Variants in SYN3 observed in about 807,000 individuals in gnomAD.
The protein encoded by SYN3 is synapsin III, also known as synapsin-3.
SYN3 carries 35 observed loss-of-function variants against 65.8 expected under a neutral mutation model. The ratio of observed to expected loss-of-function variants is 0.53; its 90% CI spans 0.41 to 0.70. The LOEUF (loss-of-function observed/expected upper bound fraction) is 0.70. Among genes scored for constraint, SYN3 ranks in the 30% least tolerant of loss-of-function variants. The probability of loss-of-function intolerance (pLI) is 0.00; values close to 1 mark genes in which losing one functional copy is unlikely to be tolerated. For missense variants in SYN3, 680 were observed against 749.0 expected (o/e 0.91, Z 1.08); for synonymous variants, 270 against 292.9 (o/e 0.92, Z 0.80).
intron 3 of SYN3, among the ~76,000 whole-genome samples, chr22:32,959,731 A>T (rs1601789655): frequency 6.6e-6 from 1 of 151,962 alleles, no homozygotes; most frequent in East Asian, 1.9e-4. Flanking sequence ...AGCAGCTGGG[A>T]CTACAGGCGT....
At chr22:32,705,146 G>T (rs1242877535) in intron 6 of SYN3, among the ~76,000 whole-genome samples, 1 of 152,106 alleles carries the variant, frequency 6.6e-6, no homozygotes, top group Non-Finnish European at 1.5e-5. Context: ...TGTCCAGAAT[G>T]GTATTGCCTC....
intron 6 of SYN3, among the ~76,000 whole-genome samples, chr22:32,688,694 C>T (rs1179341551): frequency 7.1e-6 from 1 of 140,748 alleles, no homozygotes; most frequent in Non-Finnish European, 1.5e-5. Context: ...GAGCCTTGTC[C>T]TCCACCACTC....
intron 1 of SYN3, among the ~76,000 whole-genome samples, chr22:33,041,244 A>G (rs2053959227): frequency 6.6e-6 from 1 of 150,552 alleles, no homozygotes; most frequent in South Asian, 2.1e-4. Flanking sequence ...GCAGCATGAC[A>G]GTGAACTAAT....
At chr22:32,517,792 G>A (rs973061576) in intron 13 of SYN3, among the ~76,000 whole-genome samples, 5 of 152,012 alleles carry the variant, frequency 3.3e-5, no homozygotes, top group African/African-American at 4.8e-5. Context: ...TGTTTGTTAT[G>A]CAGCAAACAA....
At chr22:32,601,057 G>A (rs760141564) in intron 6 of SYN3, among the ~76,000 whole-genome samples, 6 of 152,132 alleles carry the variant, frequency 3.9e-5, no homozygotes, top group Admixed American at 1.3e-4. Context: ...ATATTTGAAC[G>A]GCATGTCCTT....
chr22:32,632,974 C>T (rs950553029), intron 6 of SYN3, among the ~76,000 whole-genome samples: 10 of 152,230 alleles, frequency 6.6e-5, no homozygotes, highest in Non-Finnish European at 2.9e-5. Flanking sequence ...AGTGGTCAAG[C>T]GTGTTCATTC....
chr22:32,817,872 C>T (rs962362237), intron 6 of SYN3, among the ~76,000 whole-genome samples: 2 of 152,174 alleles, frequency 1.3e-5, no homozygotes, highest in Non-Finnish European at 2.9e-5. Flanking sequence ...TGCAACCCCA[C>T]CCTGGTCCCC....
chr22:32,939,363 C>T lies in SYN3; in HGVS notation c.370-7882G>A, dbSNP rs1164907143. On this transcript the variant is annotated intron_variant, in intron 3 of 13. Coordinates refer to ENST00000358763, the MANE Select transcript of SYN3 (RefSeq NM_003490.4). ...GTACATTTTAAACCATAGAACAGTG[C>T]CTTGAAAAGGAAATATAGATAAAAT... Among the ~76,000 whole-genome samples the T allele has an allele frequency of 3.9e-5, 6 of 151,982 alleles. No individual in the cohort carries two copies. In the East Asian group the frequency reaches 7.7e-4, roughly 20 times the overall value.
chr22:32,528,913 C>A lies in SYN3; in HGVS notation c.1191G>T (p.Pro397=). The change falls in exon 11 of 14, where the codon CCG becomes CCT. Residue 397 remains proline (P), a synonymous_variant. Coordinates refer to ENST00000358763, the MANE Select transcript of SYN3 (RefSeq NM_003490.4). ...DLVVSKMSQL[P]MPGGTAPSPL... ...GGGAGGGCGCTGTGCCTCCTGGCAT[C>A]GGGAGCTGGCTCATTTTGGAGACAA... The A allele has an allele frequency of 6.2e-7, 1 of 1,614,090 alleles. No individual in the cohort carries two copies. The highest frequency in any genetic ancestry group is 1.1e-5 in the South Asian group (1 of 91,082).
Position 32,670,976 on chromosome 22 carries a change from G to A in SYN3, c.712-74240C>T, listed in dbSNP as rs1262280054. 3.9e-5 allele frequency among the ~76,000 whole-genome samples: 6 copies of A among 152,290 alleles called. 1 individual carries two copies. In the South Asian group the frequency reaches 8.3e-4, roughly 21 times the overall value. On this transcript the variant is annotated intron_variant, in intron 6 of 13. Transcript: ENST00000358763. ...TAGCAAGAGCAATTCTATTGACAAC[G>A]GAGCAAAGTGTGGTGGACCGGGTGG...
intron 7 of SYN3, among the ~76,000 whole-genome samples, chr22:32,548,524 C>T (rs1029083399): frequency 6.6e-6 from 1 of 152,104 alleles, no homozygotes; most frequent in East Asian, 1.9e-4. Context: ...AGGCGCCCAC[C>T]ACCATGCCCG....
At chr22:32,951,273 A>G (rs1290408151) in intron 3 of SYN3, among the ~76,000 whole-genome samples, 1 of 151,480 alleles carries the variant, frequency 6.6e-6, no homozygotes, top group Admixed American at 6.6e-5. Flanking sequence ...CCCCACCACC[A>G]AAGGGCTTCC....
chr22:32,661,075 C>T (rs2060210045), intron 6 of SYN3, among the ~76,000 whole-genome samples: 1 of 152,234 alleles, frequency 6.6e-6, no homozygotes, highest in East Asian at 1.9e-4. Flanking sequence ...AATTCCGGAT[C>T]TGGCTGAGTC....
intron 1 of SYN3, among the ~76,000 whole-genome samples, chr22:33,027,685 AAGAG>A (rs1392035690): frequency 1.3e-5 from 2 of 151,810 alleles, no homozygotes; most frequent in Admixed American, 6.6e-5. Context: ...AAAAGAAAGA[AAGAG>A]AAAGAAAGAA....
chr22:33,017,297 T>C (rs1393004208), intron 1 of SYN3, among the ~76,000 whole-genome samples: 1 of 152,234 alleles, frequency 6.6e-6, no homozygotes, highest in Non-Finnish European at 1.5e-5. Context: ...TTGATTACTA[T>C]AGCTTTGTAA....
intron 2 of SYN3, among the ~76,000 whole-genome samples, chr22:32,989,094 A>G (rs241720): frequency 0.42 from 64,547 of 152,008 alleles, 13,759 homozygotes; most frequent in Middle Eastern, 0.48. Context: ...ATGGGCTGCA[A>G]GGGTAGAATT....
intron 6 of SYN3, chr22:32,860,602 TC>T (rs1289536360): frequency 6.6e-6 from 1 of 152,582 alleles, no homozygotes; most frequent in Non-Finnish European, 1.5e-5. Context: ...CTATCATGGG[TC>T]ATCTGACCCC....
chr22:32,999,343 C>T (rs1300573714), intron 2 of SYN3, among the ~76,000 whole-genome samples: 1 of 151,958 alleles, frequency 6.6e-6, no homozygotes, highest in Non-Finnish European at 1.5e-5. Context: ...TGTACTAAGG[C>T]GGAAAGGTGT....
intron 1 of SYN3, among the ~76,000 whole-genome samples, chr22:33,025,439 A>G (rs2053626283): frequency 6.7e-6 from 1 of 149,662 alleles, no homozygotes; most frequent in Admixed American, 6.6e-5. Flanking sequence ...GTCTCAAAAA[A>G]AAAAAAAAAA....
Sources: gnomAD v4.1 joint callset for allele counts (sites outside exome capture counted in the v4.1 genomes callset) on GRCh38, gnomAD v4.1.1 for gene constraint, MANE v1.5 for transcripts, NCBI Gene and HGNC (gene_info 2026-07-23, HGNC 2026-07-21) for gene names.